NAV2: variants seen among roughly 807,000 people sequenced by gnomAD.
NAV2 encodes the protein neuron navigator 2.
A neutral mutation model predicts 223.2 loss-of-function variants in NAV2; 54 were observed. The observed-to-expected ratio is 0.24, with a 90% CI of 0.19 to 0.30. The LOEUF (loss-of-function observed/expected upper bound fraction) is 0.30. Ranked by LOEUF, NAV2 falls within the 10% of genes least tolerant of loss-of-function variation. The probability of loss-of-function intolerance (pLI) is 1.00; values close to 1 mark genes in which losing one functional copy is unlikely to be tolerated. For missense variants in NAV2, 2,806 were observed against 3,147.5 expected (o/e 0.89, Z 2.60); for synonymous variants, 1,279 against 1,239.3 (o/e 1.03, Z -0.67).
In NAV2 at chr11:19,395,479, G is replaced by A. The variant is rs538679266; in HGVS notation, c.75+44452G>A. ...ATGGTTGAGGCCACCATTGTACAGG[G>A]CAGTACCTGTAGCTTGTCTTTGCTC... On this transcript the variant is annotated intron_variant, in intron 1 of 37. Coordinates refer to the NAV2 transcript ENST00000360655. Among the ~76,000 whole-genome samples, 7 of 152,362 alleles carry A rather than the reference G, an allele frequency of 4.6e-5. No individual in the cohort carries two copies. The South Asian group carries it at 1.4e-3, about 32-fold the overall frequency.
chr11:19,624,839 G>C (rs2047116805), intron 1 of NAV2, among the ~76,000 whole-genome samples: 1 of 152,158 alleles, frequency 6.6e-6, no homozygotes. Context: ...CCAGTCTTCT[G>C]CATCACTCAT....
chr11:19,415,453 T>C (rs767305379), intron 1 of NAV2, among the ~76,000 whole-genome samples: 17 of 152,288 alleles, frequency 1.1e-4, no homozygotes, highest in Non-Finnish European at 5.9e-5. Context: ...CAGTAATTAA[T>C]AGCCTACCAA....
intron 1 of NAV2, among the ~76,000 whole-genome samples, chr11:19,442,978 C>T (rs368744239): frequency 1.3e-5 from 2 of 152,174 alleles, no homozygotes; most frequent in South Asian, 4.1e-4. Flanking sequence ...CCAAAGAGGT[C>T]CCCCTACCTA....
intron 1 of NAV2, among the ~76,000 whole-genome samples, chr11:19,820,234 A>G (rs950354504): frequency 6.6e-6 from 1 of 152,264 alleles, no homozygotes; most frequent in Non-Finnish European, 1.5e-5. Flanking sequence ...TCTGCTGTCA[A>G]TAAGTGTGCT....
chr11:19,405,905 T>C (rs10219360), intron 1 of NAV2, among the ~76,000 whole-genome samples: 97,253 of 152,034 alleles, frequency 0.64, 31,642 homozygotes, highest in Non-Finnish European at 0.7. Context: ...AGGAGGGATG[T>C]CATAGTCATC....
intron 1 of NAV2, among the ~76,000 whole-genome samples, chr11:19,391,556 C>T (rs1564899627): frequency 1.3e-5 from 2 of 152,228 alleles, no homozygotes; most frequent in East Asian, 3.9e-4. Context: ...GCAAGACGTT[C>T]ACTGTTAATG....
In NAV2 at chr11:19,589,101, G is replaced by A. The variant is rs149663274; in HGVS notation, c.75+238074G>A. ...TGGGTGTCCAGAGACATTGAATCAC[G>A]GCCCTCAACCCAGGTGAGCTCACAG... On this transcript the variant is annotated intron_variant, in intron 1 of 37. Coordinates refer to the NAV2 transcript ENST00000360655. 1.1e-3 allele frequency among the ~76,000 whole-genome samples: 170 copies of A among 152,246 alleles called. 4 individuals carry two copies. Among genetic ancestry groups the A allele is most frequent in the East Asian group, 7.0e-3 (36 of 5,170 alleles).
At chr11:20,110,386 G>C (rs2062519072) in intron 36 of NAV2, among the ~76,000 whole-genome samples, 1 of 152,210 alleles carries the variant, frequency 6.6e-6, no homozygotes, top group Non-Finnish European at 1.5e-5. Flanking sequence ...GGTTTTGAAG[G>C]AACATTTGGT....
chr11:19,361,569 A>G (rs1417906463), intron 1 of NAV2, among the ~76,000 whole-genome samples: 1 of 151,990 alleles, frequency 6.6e-6, no homozygotes, highest in Non-Finnish European at 1.5e-5. Flanking sequence ...TCCTCCCTGG[A>G]TGCCATCCAC....
intron 1 of NAV2, among the ~76,000 whole-genome samples, chr11:19,371,208 C>T (rs1848457546): frequency 6.6e-6 from 1 of 152,166 alleles, no homozygotes; most frequent in Non-Finnish European, 1.5e-5. Context: ...TTCATTTAAT[C>T]TTCAGGAAAA....
chr11:19,732,187 A>T (rs535968169), intron 1 of NAV2, among the ~76,000 whole-genome samples: 13 of 151,684 alleles, frequency 8.6e-5, no homozygotes, highest in African/African-American at 2.4e-4. Context: ...TGAACCCAGG[A>T]GGCGGAGGTT....
intron 1 of NAV2, among the ~76,000 whole-genome samples, chr11:19,650,457 T>C (rs913033325): frequency 5.9e-5 from 9 of 152,210 alleles, no homozygotes; most frequent in Non-Finnish European, 1.3e-4. Flanking sequence ...CCCCTAGAAC[T>C]GTAAGACAAT....
chr11:19,733,941 C>T (rs1301142791), intron 1 of NAV2, among the ~76,000 whole-genome samples: 1 of 152,150 alleles, frequency 6.6e-6, no homozygotes, highest in Non-Finnish European at 1.5e-5. Context: ...ATTTTACAAG[C>T]ATGAACTTGT....
At chr11:19,768,254 G>A (rs1002291176) in intron 1 of NAV2, among the ~76,000 whole-genome samples, 2 of 152,190 alleles carry the variant, frequency 1.3e-5, no homozygotes, top group East Asian at 1.9e-4. Context: ...TCATCGGGAA[G>A]GAGAGAAGAA....
At chr11:19,872,467 A>G (rs902614102) in intron 4 of NAV2, among the ~76,000 whole-genome samples, 6 of 152,260 alleles carry the variant, frequency 3.9e-5, no homozygotes, top group African/African-American at 9.6e-5. Flanking sequence ...ATTACTGCCT[A>G]TGTTTCTATC....
At chr11:19,551,284 G>A (rs1367551649) in intron 1 of NAV2, among the ~76,000 whole-genome samples, 1 of 152,342 alleles carries the variant, frequency 6.6e-6, no homozygotes. Context: ...CCATGTCTAC[G>A]CAAACAAGAC....
At chr11:19,960,152 T>C (rs1290664125) in intron 10 of NAV2, among the ~76,000 whole-genome samples, 1 of 152,178 alleles carries the variant, frequency 6.6e-6, no homozygotes, top group African/African-American at 2.4e-5. Flanking sequence ...AGTCGGTTAT[T>C]TGTTCTCAAA....
intron 10 of NAV2, among the ~76,000 whole-genome samples, chr11:19,971,779 T>C (rs1274753993): frequency 1.3e-5 from 2 of 152,206 alleles, no homozygotes; most frequent in Non-Finnish European, 2.9e-5. Context: ...TCTTGGCTCA[T>C]GCAACCTCCG....
rs547773177 is a variant in NAV2, at chr11:19,621,717, C to T, written c.76-210767C>T. On this transcript the variant is annotated intron_variant, in intron 1 of 37. Coordinates refer to the NAV2 transcript ENST00000360655. ...TTTTCAAAAAATCAGCTCCTGGATTCATTGATTTTTTGAAGTGTTTTTTTT... is the reference window on the plus strand; with the variant it reads ...TTTTCAAAAAATCAGCTCCTGGATTTATTGATTTTTTGAAGTGTTTTTTTT... Among the ~76,000 whole-genome samples the T allele has an allele frequency of 2.6e-5, 4 of 151,986 alleles. No homozygotes were observed. The East Asian group carries it at 7.7e-4, about 29-fold the overall frequency.
Sources: gnomAD v4.1 joint callset for allele counts (sites outside exome capture counted in the v4.1 genomes callset) on GRCh38, gnomAD v4.1.1 for gene constraint, MANE v1.5 for transcripts, NCBI Gene and HGNC (gene_info 2026-07-23, HGNC 2026-07-21) for gene names.